Variants in HPD observed in about 807,000 individuals in gnomAD.
HPD encodes 4-hydroxyphenylpyruvate dioxygenase, also known as 4-hydroxyphenylpyruvic acid oxidase.
In HPD, 35 loss-of-function variants were observed where a neutral mutation model predicts 56.9. The observed-to-expected ratio is 0.62, with a 90% confidence interval of 0.47 to 0.82. The LOEUF is 0.82. Among genes scored for constraint, HPD ranks in the 40% least tolerant of loss-of-function variants. The pLI, the probability that HPD is intolerant of heterozygous loss-of-function variation, is 0.00. For synonymous variants in HPD, 186 were observed against 200.2 expected (o/e 0.93, Z 0.60); for missense variants, 442 against 506.8 (o/e 0.87, Z 1.23).
chr12:121,860,981 C>G (rs1878158189), upstream of HPD, among the ~76,000 whole-genome samples: 1 of 152,142 alleles, frequency 6.6e-6, no homozygotes, highest in Non-Finnish European at 1.5e-5. Context: ...GGGAGGATCA[C>G]TTGAGGTTAG....
chr12:121,859,105 C>T (rs1010868998), upstream of HPD: 59 of 523,702 alleles, frequency 1.1e-4, no homozygotes, highest in Middle Eastern at 5.3e-4. Flanking sequence ...TTTTCCAGGA[C>T]GCTGGGAATG....
chr12:121,855,217 G>A (rs1042481029), intron 6 of HPD, among the ~76,000 whole-genome samples: 11 of 152,122 alleles, frequency 7.2e-5, no homozygotes, highest in East Asian at 1.9e-4. Flanking sequence ...TTCTAACCTC[G>A]TTCATCCTCA....
chr12:121,858,731 GA>G lies in HPD; in HGVS notation c.4-19del, dbSNP rs562067458. On this transcript the variant is annotated intron_variant, in intron 1 of 13. Transcript: ENST00000289004. ...TAAGTCGTCTAAGGAGAAAAAGAAGGACAGTGAGACTTGGAGGTTCCAACAC... is the reference window on the plus strand; with the variant it reads ...TAAGTCGTCTAAGGAGAAAAAGAAGGCAGTGAGACTTGGAGGTTCCAACAC... 8.6e-4 allele frequency: 1,389 copies of G among 1,614,130 alleles called. 18 individuals carry two copies. In the South Asian group the frequency reaches 0.014, roughly 17 times the overall value.
upstream of HPD, among the ~76,000 whole-genome samples, chr12:121,868,488 C>A (rs1878381694): frequency 6.7e-6 from 1 of 149,836 alleles, no homozygotes; most frequent in East Asian, 2.0e-4. Context: ...TCAACACACC[C>A]AGCCCTTTGC....
At chr12:121,847,361 TTTG>T (rs1166500809) in intron 9 of HPD, 147 bp from the exon 10 acceptor site, 58 of 752,560 alleles carry the variant, frequency 7.7e-5, no homozygotes, top group East Asian at 2.2e-4. Flanking sequence ...TTTAGATCTT[TTTG>T]TTGTTGTTGT....
At chr12:121,841,622 C>T (rs1033263993) in intron 12 of HPD, among the ~76,000 whole-genome samples, 3 of 151,868 alleles carry the variant, frequency 2.0e-5, no homozygotes, top group Non-Finnish European at 4.4e-5. Context: ...ACACCCCACG[C>T]AGATGAACCT....
intron 7 of HPD, among the ~76,000 whole-genome samples, chr12:121,853,981 GGCCCAC>G (rs1210759283): frequency 1.3e-5 from 2 of 151,674 alleles, no homozygotes; most frequent in African/African-American, 2.4e-5. Flanking sequence ...CGGGCACAGT[GGCCCAC>G]GCCTGTAATC....
chr12:121,840,237 G>A (rs1051355389), intron 12 of HPD, among the ~76,000 whole-genome samples, 189 bp from the exon 13 acceptor site: 2 of 152,134 alleles, frequency 1.3e-5, no homozygotes, highest in Admixed American at 1.3e-4. Flanking sequence ...CACCATTCAA[G>A]ACTGCTGCCC....
intron 2 of HPD, 84 bp downstream of exon 2, chr12:121,858,603 C>T: frequency 7.6e-7 from 1 of 1,321,684 alleles, no homozygotes; most frequent in Admixed American, 1.7e-5. Context: ...TCCTCTTCTG[C>T]TCTCTGCTGA....
upstream of HPD, among the ~76,000 whole-genome samples, chr12:121,865,347 G>A (rs1275645229): frequency 1.1e-4 from 17 of 151,348 alleles, no homozygotes; most frequent in Non-Finnish European, 2.1e-4. Flanking sequence ...TCAGCTTACT[G>A]CAACCTCCGC....
chr12:121,859,268 C>T, upstream of HPD: 1 of 278,038 alleles, frequency 3.6e-6, no homozygotes, highest in African/African-American at 2.2e-5. Flanking sequence ...TTCCATAGCT[C>T]TGAGAGGCAC....
At chr12:121,846,241 A>T (rs1877578346) in intron 11 of HPD, among the ~76,000 whole-genome samples, 1 of 151,988 alleles carries the variant, frequency 6.6e-6, no homozygotes, top group African/African-American at 2.4e-5. Context: ...TCTAAAGCAG[A>T]ATTTCACTCT....
chr12:121,848,477 A>C (rs1592918430), intron 9 of HPD, among the ~76,000 whole-genome samples: 1 of 151,998 alleles, frequency 6.6e-6, no homozygotes, highest in East Asian at 1.9e-4. Flanking sequence ...ACACCCAGCT[A>C]ATTTTTGTAT....
At chr12:121,853,323 A>C (rs1207305793) in intron 7 of HPD, among the ~76,000 whole-genome samples, 1 of 152,158 alleles carries the variant, frequency 6.6e-6, no homozygotes, top group Non-Finnish European at 1.5e-5. Context: ...CATATACCCC[A>C]GAACCTATAA....
upstream of HPD, among the ~76,000 whole-genome samples, chr12:121,866,368 G>A (rs1381390526): frequency 2.4e-5 from 3 of 127,220 alleles, no homozygotes; most frequent in African/African-American, 8.9e-5. Flanking sequence ...AAAGCTCTAA[G>A]ATATGTTACG....
upstream of HPD, among the ~76,000 whole-genome samples, chr12:121,860,629 T>C (rs1182479522): frequency 6.6e-6 from 1 of 152,190 alleles, no homozygotes; most frequent in Non-Finnish European, 1.5e-5. Flanking sequence ...TGGGTGTGAC[T>C]GTCTCTGTTC....
upstream of HPD, among the ~76,000 whole-genome samples, chr12:121,861,335 CA>C (rs34622089): frequency 0.014 from 1,671 of 122,322 alleles, 14 homozygotes; most frequent in African/African-American, 0.026. Context: ...GACTCTGTCT[CA>C]AAAAAAAAAA....
intron 11 of HPD, among the ~76,000 whole-genome samples, chr12:121,846,165 T>A (rs1252294138): frequency 6.6e-6 from 1 of 152,200 alleles, no homozygotes; most frequent in Non-Finnish European, 1.5e-5. Flanking sequence ...TCCCGTGTAG[T>A]TGGGACTACA....
chr12:121,876,284 C>T, the HPD span, among the ~76,000 whole-genome samples: 6 of 152,028 alleles, frequency 3.9e-5, no homozygotes, highest in Admixed American at 1.3e-4. Flanking sequence ...GCACTTGAGG[C>T]TGGGCCACAG....
Sources: allele counts gnomAD v4.1 joint callset (sites outside exome capture counted in the v4.1 genomes callset), GRCh38; gene constraint gnomAD v4.1.1; transcripts MANE v1.5; gene names NCBI Gene and HGNC (gene_info 2026-07-23, HGNC 2026-07-21).